Variants in ANXA3 observed in about 807,000 individuals in gnomAD.
ANXA3 encodes the protein 35-alpha calcimedin.
A neutral mutation model predicts 48.8 loss-of-function variants in ANXA3; 46 were observed. The observed-to-expected ratio is 0.94, with a 90% CI of 0.74 to 1.21. The LOEUF (loss-of-function observed/expected upper bound fraction) is 1.21. Ranked by LOEUF, ANXA3 falls within the 50% of genes most tolerant of loss-of-function variation. ANXA3 has a pLI of 0.00. For synonymous variants in ANXA3, 128 were observed against 134.7 expected (o/e 0.95, Z 0.35); for missense variants, 383 against 378.6 (o/e 1.01, Z -0.10).
intron 11 of ANXA3, chr4:78,604,032 T>C: frequency 3.0e-6 from 1 of 328,358 alleles, no homozygotes; most frequent in South Asian, 1.0e-4. Flanking sequence ...CTGTATTCTT[T>C]ACAAAACTGG....
At position 78,595,829 on chromosome 4, in the gene ANXA3, G is replaced by A. The variant is rs559087000; in HGVS notation, c.576G>A (p.Thr192=). ...AAGCTGGTGAGAACAGATGGGGCAC[G>A]GATGAAGACAAATTCACTGAGATCC... ...LYKAGENRWG[T]DEDKFTEILC... Residue 192 remains threonine, a synonymous_variant, in exon 9 of 13, where the codon ACG becomes ACA. Coordinates refer to ENST00000264908, the MANE Select transcript of ANXA3 (RefSeq NM_005139.3). 1.4e-5 allele frequency: 22 copies of A among 1,612,446 alleles called. No individual in the cohort carries two copies. The highest frequency in any genetic ancestry group is 4.5e-5 in the East Asian group (2 of 44,824).
At chr4:78,582,062 T>G in intron 4 of ANXA3, 115 bp from the exon 5 acceptor site, 4 of 632,200 alleles carry the variant, frequency 6.3e-6, no homozygotes, top group East Asian at 2.7e-5. Flanking sequence ...GTTTATTCCC[T>G]GTGGATGGAC....
chr4:78,607,189 C>T (rs1162560903), intron 12 of ANXA3, among the ~76,000 whole-genome samples: 1 of 152,192 alleles, frequency 6.6e-6, no homozygotes, highest in African/African-American at 2.4e-5. Context: ...AAATCCATCA[C>T]TGAAAACTTC....
intron 3 of ANXA3, among the ~76,000 whole-genome samples, chr4:78,578,345 G>GGGAA (rs1723004003): frequency 1.5e-5 from 2 of 135,672 alleles, no homozygotes; most frequent in African/African-American, 5.7e-5. Context: ...GAGGGAGGGA[G>GGGAA]GGAGGGAAGG....
intron 11 of ANXA3, 57 bp downstream of exon 11, chr4:78,601,625 A>G (rs1723545125): frequency 7.3e-7 from 1 of 1,379,052 alleles, no homozygotes; most frequent in African/African-American, 1.4e-5. Flanking sequence ...TTGGGAAAGT[A>G]TGCAAATAGT....
chr4:78,554,370 T>C, intron 1 of ANXA3, 66 bp from the exon 2 acceptor site: 1 of 1,117,960 alleles, frequency 8.9e-7, no homozygotes. Flanking sequence ...GATTAAGGGT[T>C]GGACTAAGAT....
chr4:78,592,762 A>G (rs568347326), intron 7 of ANXA3, among the ~76,000 whole-genome samples: 9 of 152,294 alleles, frequency 5.9e-5, no homozygotes, highest in African/African-American at 2.2e-4. Context: ...GATTAAGAGA[A>G]AGAGAGAGTA....
At chr4:78,570,863 CAGGTA>C (rs1312344471) in intron 2 of ANXA3, among the ~76,000 whole-genome samples, 1 of 152,092 alleles carries the variant, frequency 6.6e-6, no homozygotes, top group African/African-American at 2.4e-5. Context: ...GGAAGGTGGA[CAGGTA>C]AGATCAACAC....
intron 8 of ANXA3, 73 bp downstream of exon 8, chr4:78,595,510 G>A: frequency 6.7e-7 from 1 of 1,488,010 alleles, no homozygotes; most frequent in African/African-American, 1.4e-5. Flanking sequence ...TATGTGAAAA[G>A]GGAGAAAAAT....
At chr4:78,603,533 A>G (rs1386114544) in intron 11 of ANXA3, 1 of 152,190 alleles carries the variant, frequency 6.6e-6, no homozygotes, top group Non-Finnish European at 1.5e-5. Flanking sequence ...CCTCAAGATG[A>G]GTCTCAAAGC....
chr4:78,568,921 A>G (rs1241168023), intron 2 of ANXA3, among the ~76,000 whole-genome samples: 1 of 152,260 alleles, frequency 6.6e-6, no homozygotes, highest in Admixed American at 6.5e-5. Flanking sequence ...GGAACAGACC[A>G]CTTACTGGCT....
At chr4:78,576,028 A>C (rs1355677044) in intron 3 of ANXA3, among the ~76,000 whole-genome samples, 1 of 151,628 alleles carries the variant, frequency 6.6e-6, no homozygotes, top group Non-Finnish European at 1.5e-5. Context: ...ATGCTTCCCT[A>C]TTTTTCTCTT....
At chr4:78,588,738 A>G (rs1353136605) in intron 6 of ANXA3, among the ~76,000 whole-genome samples, 1 of 152,164 alleles carries the variant, frequency 6.6e-6, no homozygotes, top group Non-Finnish European at 1.5e-5. Flanking sequence ...TGACACTGAC[A>G]TGACTAGCCG....
At chr4:78,598,369 G>A (rs1418022537) in intron 10 of ANXA3, among the ~76,000 whole-genome samples, 1 of 150,098 alleles carries the variant, frequency 6.7e-6, no homozygotes, top group African/African-American at 2.5e-5. Context: ...TCAGCTCATT[G>A]TTGACTCTGA....
intron 5 of ANXA3, among the ~76,000 whole-genome samples, chr4:78,585,652 C>G (rs1047304962): frequency 2.6e-5 from 4 of 152,236 alleles, no homozygotes; most frequent in African/African-American, 9.6e-5. Flanking sequence ...ATCTCTGCTA[C>G]AGAGAGACAG....
chr4:78,578,320 A>AGAGAGAGAGAGG, intron 3 of ANXA3, among the ~76,000 whole-genome samples: 1 of 112,028 alleles, frequency 8.9e-6, no homozygotes, highest in Non-Finnish European at 1.8e-5. Context: ...AGAGAGAGAG[A>AGAGAGAGAGAGG]GAGAGAGAGA....
rs142912602 is a variant in ANXA3, at chr4:78,590,163, G to C, written c.404-1381G>C. Among the ~76,000 whole-genome samples, 1,183 of 152,036 alleles carry C rather than the reference G, an allele frequency of 7.8e-3. 7 individuals are homozygous for C. Among genetic ancestry groups the C allele is most frequent in the Middle Eastern group, 0.024 (7 of 294 alleles). ...ATACTTCCCCAAGTTCTAAGAAATG[G>C]GATATTCATTCTTCTACTTGATATT... On this transcript the variant is annotated intron_variant, in intron 6 of 12. Transcript: ENST00000264908.
chr4:78,578,047 G>A (rs942769772), intron 3 of ANXA3, among the ~76,000 whole-genome samples: 3 of 151,930 alleles, frequency 2.0e-5, no homozygotes, highest in Admixed American at 6.6e-5. Flanking sequence ...GGAAGGCTGA[G>A]GCGGGTGGAT....
chr4:78,601,702 G>A (rs1387302757), intron 11 of ANXA3, 134 bp downstream of exon 11: 3 of 727,258 alleles, frequency 4.1e-6, no homozygotes, highest in Non-Finnish European at 6.8e-6. Flanking sequence ...TTATATTACA[G>A]CAAATCAAGG....
Sources: gnomAD v4.1 joint callset for allele counts (sites outside exome capture counted in the v4.1 genomes callset) on GRCh38, gnomAD v4.1.1 for gene constraint, MANE v1.5 for transcripts, NCBI Gene and HGNC (gene_info 2026-07-23, HGNC 2026-07-21) for gene names.